PLCB1: variants seen among roughly 807,000 people sequenced by gnomAD.
PLCB1 encodes phospholipase C beta 1.
PLCB1 carries 46 observed loss-of-function variants against 161.8 expected under a neutral mutation model. The observed-to-expected ratio is 0.28, with a 90% confidence interval of 0.22 to 0.36. The LOEUF is 0.36. PLCB1 is among the 10% of genes least tolerant of loss of function. The pLI is 1.00. For missense variants in PLCB1, 1,016 were observed against 1,472.5 expected, an observed-to-expected ratio of 0.69 and a Z score of 5.07; for synonymous variants, 517 against 503.7, an observed-to-expected ratio of 1.03 and a Z score of -0.35.
rs869194352 is a variant in PLCB1, at chr20:8,276,986, C to CTTCTTCTTCTTCTTATTA, written c.178-94394_178-94393insCTTCTTCTTCTTATTATT. On this transcript the variant is annotated intron_variant, in intron 2 of 31. Transcript: ENST00000338037. ...TCTTCTTCTTCTTCTTCTTCTTCTT[C>CTTCTTCTTCTTCTTATTA]TTATTATTATTATTATTATTATTAT... Among the ~76,000 whole-genome samples, 20 of 93,346 alleles carry CTTCTTCTTCTTCTTATTA rather than the reference C, an allele frequency of 2.1e-4. No individual in the cohort carries two copies. The East Asian group carries it at 2.4e-3, about 11-fold the overall frequency. The allele number at this position is 93,346 out of a possible 152,430, so 61.2% of individuals were successfully genotyped here.
intron 2 of PLCB1, among the ~76,000 whole-genome samples, chr20:8,169,154 T>C (rs73605868): frequency 0.031 from 4,674 of 152,112 alleles, 256 homozygotes; most frequent in African/African-American, 0.11. Context: ...AGTGAATGTA[T>C]ATTGGGTGGG....
chr20:8,788,784 C>T, intron 29 of PLCB1, 62 bp downstream of exon 29: 2 of 1,050,276 alleles, frequency 1.9e-6, no homozygotes, highest in East Asian at 2.4e-5. Context: ...TTTTGTACGT[C>T]AGAGTCACAG....
At chr20:8,662,929 A>G (rs930094245) in intron 9 of PLCB1, among the ~76,000 whole-genome samples, 1 of 152,048 alleles carries the variant, frequency 6.6e-6, no homozygotes, top group Non-Finnish European at 1.5e-5. Flanking sequence ...TAGTTAATAC[A>G]TTTGGATCAA....
chr20:8,507,324 G>C (rs1983678708), intron 3 of PLCB1, among the ~76,000 whole-genome samples: 1 of 152,032 alleles, frequency 6.6e-6, no homozygotes, highest in Non-Finnish European at 1.5e-5. Flanking sequence ...GATTTTCAAG[G>C]ATCAACTGTA....
chr20:8,524,575 C>A (rs1214709618), intron 3 of PLCB1, among the ~76,000 whole-genome samples: 1 of 152,112 alleles, frequency 6.6e-6, no homozygotes, highest in African/African-American at 2.4e-5. Flanking sequence ...TTTAAGCAGG[C>A]AGCCATGTTC....
At chr20:8,440,252 A>C (rs538971936) in intron 3 of PLCB1, among the ~76,000 whole-genome samples, 1 of 152,326 alleles carries the variant, frequency 6.6e-6, no homozygotes, top group East Asian at 1.9e-4. Context: ...AAATCATTTC[A>C]GTATTATTAA....
intron 3 of PLCB1, among the ~76,000 whole-genome samples, chr20:8,404,559 A>G (rs1380317956): frequency 6.6e-6 from 1 of 152,222 alleles, no homozygotes; most frequent in African/African-American, 2.4e-5. Context: ...GCTCCTTGGA[A>G]AACTAATATT....
Position 8,684,958 on chromosome 20 carries a change from C to T in PLCB1, c.889C>T (p.Arg297Cys), listed in dbSNP as rs149661663. The T allele has an allele frequency of 1.4e-5, 22 of 1,613,418 alleles. No homozygotes were observed. Among genetic ancestry groups the T allele is most frequent in the South Asian group, 2.2e-5 (2 of 91,064 alleles). Residue 297 changes from arginine (R) to cysteine (C), a missense_variant, in exon 10 of 32, where the codon CGC becomes TGC. Coordinates refer to ENST00000338037, the MANE Select transcript of PLCB1 (RefSeq NM_015192.4). ...KGQISVDGFM[R>C]YLSGEENGVV... is the part of the protein sequence containing the mutation. ...ACAAATATCAGTGGATGGGTTCATG[C>T]GCTATCTGAGTGGAGAAGAAAACGG...
chr20:8,427,708 G>A (rs927824479), intron 3 of PLCB1, among the ~76,000 whole-genome samples: 1 of 152,136 alleles, frequency 6.6e-6, no homozygotes, highest in African/African-American at 2.4e-5. Context: ...TTCTTGATTG[G>A]TTGGAGTAAG....
intron 3 of PLCB1, among the ~76,000 whole-genome samples, chr20:8,374,484 C>G (rs1212146692): frequency 6.6e-6 from 1 of 152,130 alleles, no homozygotes; most frequent in African/African-American, 2.4e-5. Flanking sequence ...TGGATGCTAC[C>G]CTCTGCACAC....
At chr20:8,317,767 A>G (rs992169766) in intron 2 of PLCB1, among the ~76,000 whole-genome samples, 22 of 152,072 alleles carry the variant, frequency 1.4e-4, no homozygotes, top group Non-Finnish European at 2.5e-4. Flanking sequence ...ATTTCCAGTT[A>G]ATAAGGTTTT....
intron 3 of PLCB1, among the ~76,000 whole-genome samples, chr20:8,566,284 G>A (rs573675939): frequency 3.2e-4 from 49 of 152,212 alleles, no homozygotes; most frequent in African/African-American, 1.2e-3. Context: ...GCTTAATGTA[G>A]CAAGTGAATG....
intron 9 of PLCB1, among the ~76,000 whole-genome samples, chr20:8,680,557 T>G (rs1990186857): frequency 6.6e-6 from 1 of 152,166 alleles, no homozygotes; most frequent in East Asian, 1.9e-4. Context: ...GATTGAAAAG[T>G]TGATCCCTGG....
chr20:8,150,529 T>G, intron 2 of PLCB1, 158 bp downstream of exon 2: 1 of 448,988 alleles, frequency 2.2e-6, no homozygotes, highest in Non-Finnish European at 4.0e-6. Flanking sequence ...TTCTTAGGAC[T>G]TAGGACGTTT....
chr20:8,271,709 A>G (rs1030592948), intron 2 of PLCB1, among the ~76,000 whole-genome samples: 6 of 152,130 alleles, frequency 3.9e-5, no homozygotes, highest in Admixed American at 2.0e-4. Context: ...CTTTAAAAGT[A>G]TGTAAAATTA....
At chr20:8,155,530 G>C (rs746255997) in intron 2 of PLCB1, among the ~76,000 whole-genome samples, 2 of 152,174 alleles carry the variant, frequency 1.3e-5, no homozygotes, top group African/African-American at 4.8e-5. Context: ...CATGAGTCCA[G>C]AGTTCAAAAA....
chr20:8,657,170 G>C lies in PLCB1; in HGVS notation c.595-14G>C, dbSNP rs1436523815. 3.3e-6 allele frequency: 5 copies of C among 1,501,388 alleles called. No homozygotes were observed. Among genetic ancestry groups the C allele is most frequent in the Non-Finnish European group, 4.6e-6 (5 of 1,078,094 alleles). 93.0% of individuals were successfully genotyped at this position (1,501,388 alleles called of 1,614,324 possible). On this transcript the variant is annotated splice_polypyrimidine_tract_variant and intron_variant, in intron 7 of 31. Coordinates refer to ENST00000338037, the MANE Select transcript of PLCB1 (RefSeq NM_015192.4). Reference sequence around the variant, plus strand: ...AAAAAGACCATTTGCTGACTCCGTTGTTTTATTTCCCAGAATGATTCAATA... The same window carrying C: ...AAAAAGACCATTTGCTGACTCCGTTCTTTTATTTCCCAGAATGATTCAATA...
intron 2 of PLCB1, among the ~76,000 whole-genome samples, chr20:8,245,950 A>T (rs1980856391): frequency 6.6e-6 from 1 of 151,962 alleles, no homozygotes; most frequent in South Asian, 2.1e-4. Flanking sequence ...GAGACCTCAG[A>T]TTCAAATCCT....
intron 9 of PLCB1, among the ~76,000 whole-genome samples, chr20:8,684,158 A>G (rs956903675): frequency 3.9e-5 from 6 of 152,104 alleles, no homozygotes; most frequent in Non-Finnish European, 7.4e-5. Context: ...TGCTGGGATT[A>G]CAGGCGTGAG....
Sources: allele counts gnomAD v4.1 joint callset (sites outside exome capture counted in the v4.1 genomes callset), GRCh38; gene constraint gnomAD v4.1.1; transcripts MANE v1.5; gene names NCBI Gene and HGNC (gene_info 2026-07-23, HGNC 2026-07-21).